The following EML5 variants were observed in gnomAD, a reference collection of about 807,000 sequenced individuals.
EML5 encodes EMAP like 5.
In EML5, 120 loss-of-function variants were observed where a neutral mutation model predicts 250.0. The observed-to-expected ratio is 0.48, with a 90% CI of 0.41 to 0.56. The LOEUF is 0.56. Among genes scored for constraint, EML5 ranks in the 20% least tolerant of loss-of-function variants. The pLI is 0.00. For missense variants in EML5, 2,006 were observed against 2,437.6 expected, an observed-to-expected ratio of 0.82 and a Z score of 3.73; for synonymous variants, 771 against 806.5, an observed-to-expected ratio of 0.96 and a Z score of 0.75.
intron 33 of EML5, among the ~76,000 whole-genome samples, 186 bp downstream of exon 33, chr14:88,634,283 G>A (rs1004820678): frequency 1.2e-4 from 18 of 152,078 alleles, no homozygotes; most frequent in Non-Finnish European, 2.6e-4. Context: ...ATTTCCTGAG[G>A]CCTCCCCAGC....
At chr14:88,697,865 AG>A (rs1263418750) in intron 14 of EML5, among the ~76,000 whole-genome samples, 2 of 152,016 alleles carry the variant, frequency 1.3e-5, no homozygotes, top group Non-Finnish European at 1.5e-5. Context: ...CCTCCCAAGT[AG>A]CTGGGATTAC....
intron 21 of EML5, among the ~76,000 whole-genome samples, chr14:88,680,574 G>A (rs2092694653): frequency 6.6e-6 from 1 of 151,532 alleles, no homozygotes; most frequent in African/African-American, 2.4e-5. Context: ...CAAAATCTCT[G>A]GAATTCATGA....
At chr14:88,759,698 A>AACAAAAAAAAAAAAAC (rs1555374472) in intron 1 of EML5, among the ~76,000 whole-genome samples, 1 of 142,112 alleles carries the variant, frequency 7.0e-6, no homozygotes, top group African/African-American at 2.7e-5. Context: ...AAAAAAAAAA[A>AACAAAAAAAAAAAAAC]AAAAAACTGG....
chr14:88,618,497 T>G (rs76593307), intron 40 of EML5, 153 bp downstream of exon 40: 18,495 of 1,092,658 alleles, frequency 0.017, 214 homozygotes, highest in East Asian at 0.036. Flanking sequence ...CTCTGATAAG[T>G]GGGGGAGGAA....
rs148282706 is a variant in EML5 at position 88,745,167 on chromosome 14, T to TTGTTTGTG, written c.456+1017_456+1018insCACAAACA. On this transcript the variant is annotated intron_variant, in intron 3 of 43. Transcript: ENST00000554922. ...TTTAATAATGGTCTAAATTGTGTGT[T>TTGTTTGTG]TGTGTGTGTGTGTGTGTGTGTGTGT... Among the ~76,000 whole-genome samples the TTGTTTGTG allele has an allele frequency of 4.3e-3, 629 of 145,282 alleles. 8 individuals carry two copies. Among genetic ancestry groups the TTGTTTGTG allele is most frequent in the Admixed American group, 0.027 (393 of 14,478 alleles).
rs961678633 is a variant in EML5 at position 88,715,168 on chromosome 14, T to G, written c.1215A>C (p.Lys405Asn). 1.9e-5 allele frequency: 30 copies of G among 1,602,316 alleles called. No individual in the cohort carries two copies. The highest frequency in any genetic ancestry group is 2.5e-5 in the Non-Finnish European group (29 of 1,173,838). Reference protein sequence around the residue: ...VRDMTEVVHIKDRKEAIHELK... With the variant: ...VRDMTEVVHINDRKEAIHELK... Reference sequence around the variant, plus strand: ...ACTCATGAATTGCCTCCTTCCTATCTTTAATATGTACAACTTCCGTCATAT... The same window carrying G: ...ACTCATGAATTGCCTCCTTCCTATCGTTAATATGTACAACTTCCGTCATAT... The change falls in exon 9 of 44, where the codon AAA becomes AAC. Residue 405 changes from lysine (K) to asparagine (N), a missense_variant. Physicochemically the swap from Lys to Asn is moderately conservative, Grantham distance 94. This residue lies in a region of EML5 where 1,375 missense variants were observed against 1,590.3 expected (regional missense o/e 0.86). Transcript: ENST00000554922.
rs1242085629 is a variant in EML5, at chr14:88,726,650, T to C, written c.1078A>G (p.Ile360Val). 3.2e-6 allele frequency: 5 copies of C among 1,559,416 alleles called. No homozygotes were observed. In the Admixed American group the frequency reaches 7.7e-5, roughly 24 times the overall value. Residue 360 changes from isoleucine (I) to valine (V), a missense_variant, in exon 8 of 44, where the codon ATA becomes GTA. Transcript: ENST00000554922. ...GGTTCTTCCATATTACACCTTGCTA[T>C]TAATGCATGATCTACTAGGCTCCAT... is the stretch of plus-strand genomic sequence containing the variant. ...RIWSLVDHAL[I>V]ARCNMEEPIR... is the part of the protein sequence containing the mutation.
intron 26 of EML5, 35 bp downstream of exon 26, chr14:88,658,152 C>T (rs776428804): frequency 5.6e-6 from 9 of 1,603,358 alleles, no homozygotes; most frequent in African/African-American, 1.3e-5. Context: ...TAAATTTTCC[C>T]TATATTTTTG....
chr14:88,695,594 A>C (rs2093059444), intron 15 of EML5, 140 bp from the exon 16 acceptor site: 5 of 768,706 alleles, frequency 6.5e-6, no homozygotes, highest in Non-Finnish European at 1.0e-5. Flanking sequence ...TACACCTATA[A>C]AAAGAACCAG....
chr14:88,667,829 A>T (rs1302789023), intron 21 of EML5, among the ~76,000 whole-genome samples: 1 of 152,140 alleles, frequency 6.6e-6, no homozygotes, highest in African/African-American at 2.4e-5. Flanking sequence ...TTTAGCTGCA[A>T]TTTGCGGACT....
intron 21 of EML5, among the ~76,000 whole-genome samples, chr14:88,665,907 CAA>C (rs1345204895): frequency 5.3e-5 from 7 of 132,972 alleles, no homozygotes; most frequent in East Asian, 2.2e-4. Flanking sequence ...GACCTTGCCT[CAA>C]AAAAAAAAAA....
chr14:88,652,199 T>C (rs1328749096), intron 27 of EML5, among the ~76,000 whole-genome samples: 1 of 152,148 alleles, frequency 6.6e-6, no homozygotes, highest in Non-Finnish European at 1.5e-5. Context: ...TTATACATAA[T>C]GAAAAACTGG....
intron 39 of EML5, 138 bp from the exon 40 acceptor site, chr14:88,618,950 G>T: frequency 1.4e-6 from 1 of 727,504 alleles, no homozygotes; most frequent in Non-Finnish European, 2.1e-6. Flanking sequence ...AGACACAACT[G>T]ATCATGTATA....
chr14:88,727,408 T>TTG (rs2093683399), intron 7 of EML5, among the ~76,000 whole-genome samples: 1 of 151,382 alleles, frequency 6.6e-6, no homozygotes, highest in Non-Finnish European at 1.5e-5. Flanking sequence ...TGCATTTTTT[T>TTG]TTTTTTTTTT....
intron 1 of EML5, among the ~76,000 whole-genome samples, chr14:88,789,775 G>A (rs1457001138): frequency 6.6e-6 from 1 of 152,196 alleles, no homozygotes; most frequent in Non-Finnish European, 1.5e-5. Flanking sequence ...TCATGATTCA[G>A]CCTTTACCAC....
intron 8 of EML5, among the ~76,000 whole-genome samples, chr14:88,722,012 A>G (rs2093597516): frequency 6.6e-6 from 1 of 152,226 alleles, no homozygotes; most frequent in South Asian, 2.1e-4. Flanking sequence ...CATATGAAAA[A>G]AAGCTCAACA....
At chr14:88,638,943 T>TA (rs1567045159) in intron 31 of EML5, 36 bp from the exon 32 acceptor site, 1 of 1,490,076 alleles carries the variant, frequency 6.7e-7, no homozygotes, top group African/African-American at 1.4e-5. Context: ...GTTTGAAAAT[T>TA]TTAAGATGTA....
chr14:88,693,098 G>A (rs1487963655), intron 17 of EML5, among the ~76,000 whole-genome samples: 2 of 152,014 alleles, frequency 1.3e-5, no homozygotes, highest in Non-Finnish European at 2.9e-5. Context: ...TCATTTAATA[G>A]CATATGAGTA....
chr14:88,623,979 C>G (rs774893989), intron 36 of EML5: 1 of 152,208 alleles, frequency 6.6e-6, no homozygotes, highest in East Asian at 1.9e-4. Context: ...ATGTAAAAGG[C>G]ACAAATTCTG....
Sources: gnomAD v4.1 joint callset for allele counts (sites outside exome capture counted in the v4.1 genomes callset) on GRCh38, gnomAD v4.1.1 for gene constraint, gnomAD v4.1.1 regional missense constraint, MANE v1.5 for transcripts, NCBI Gene and HGNC (gene_info 2026-07-23, HGNC 2026-07-21) for gene names.